The following CALD1 variants were observed in gnomAD, a reference collection of about 807,000 sequenced individuals.
CALD1 encodes the protein caldesmon.
A neutral mutation model predicts 99.9 loss-of-function variants in CALD1; 33 were observed. The ratio of observed to expected loss-of-function variants is 0.33; its 90% CI spans 0.25 to 0.44. The LOEUF is 0.44. Among genes scored for constraint, CALD1 ranks in the 20% least tolerant of loss-of-function variants. CALD1 has a pLI of 1.00. For synonymous variants in CALD1, 310 were observed against 325.0 expected, an observed-to-expected ratio of 0.95 and a Z score of 0.50; for missense variants, 861 against 962.1, an observed-to-expected ratio of 0.89 and a Z score of 1.39.
At chr7:134,738,577 T>C in the CALD1 span, among the ~76,000 whole-genome samples, 1 of 152,220 alleles carries the variant, frequency 6.6e-6, no homozygotes, top group Admixed American at 6.5e-5. Context: ...TCTAGTAGTT[T>C]TAGTGAAGAT....
intron 2 of CALD1, among the ~76,000 whole-genome samples, chr7:134,861,709 T>A (rs1052712378): frequency 1.3e-5 from 2 of 152,200 alleles, no homozygotes; most frequent in Non-Finnish European, 2.9e-5. Flanking sequence ...GTATATTGAT[T>A]GTATAAATGT....
At chr7:134,725,443 TG>T in the CALD1 span, among the ~76,000 whole-genome samples, 1 of 152,230 alleles carries the variant, frequency 6.6e-6, no homozygotes, top group South Asian at 2.1e-4. Context: ...TTTTCAAAAG[TG>T]GGTGATTTAG....
chr7:134,757,835 C>A (rs1278091778), intron 1 of CALD1, among the ~76,000 whole-genome samples: 1 of 151,866 alleles, frequency 6.6e-6, no homozygotes, highest in Non-Finnish European at 1.5e-5. Flanking sequence ...GCAGAGATCA[C>A]ACCACTGCAC....
intron 1 of CALD1, among the ~76,000 whole-genome samples, chr7:134,813,251 A>G (rs193074446): frequency 8.9e-4 from 135 of 152,170 alleles, no homozygotes; most frequent in African/African-American, 3.0e-3. Context: ...CATTTTCAGA[A>G]TTTTTTTTGA....
intron 8 of CALD1, among the ~76,000 whole-genome samples, chr7:134,949,959 G>A (rs1255782812): frequency 2.6e-5 from 4 of 151,882 alleles, no homozygotes; most frequent in South Asian, 2.1e-4. Context: ...GAAAGTTTAC[G>A]AATTTGTGTT....
chr7:134,928,895 G>A lies in CALD1; in HGVS notation c.213G>A (p.Gln71=), dbSNP rs768999691. Reference sequence around the variant, plus strand: ...CCGACCAGGTGGAGGTGAATGCCCAGAACAGGTACTGTCCTCTTTGGGACG... The same window carrying A: ...CCGACCAGGTGGAGGTGAATGCCCAAAACAGGTACTGTCCTCTTTGGGACG... ...QVTDQVEVNA[Q]NSVPDEEAKT... is the part of the protein sequence containing the mutation. Residue 71 remains glutamine (Q), a synonymous_variant, in exon 4 of 15, where the codon CAG becomes CAA. Coordinates refer to ENST00000361675, the MANE Select transcript of CALD1 (RefSeq NM_033138.4). The A allele has an allele frequency of 6.2e-7, 1 of 1,611,342 alleles. No homozygotes were observed. Among genetic ancestry groups the A allele is most frequent in the Non-Finnish European group, 8.5e-7 (1 of 1,178,704 alleles).
At chr7:134,806,531 T>C (rs1798145734) in intron 1 of CALD1, among the ~76,000 whole-genome samples, 1 of 152,246 alleles carries the variant, frequency 6.6e-6, no homozygotes. Context: ...TGTTCTTCTC[T>C]TGCTTACAAG....
chr7:134,880,347 C>T (rs1021308691), intron 3 of CALD1, among the ~76,000 whole-genome samples: 1 of 152,176 alleles, frequency 6.6e-6, no homozygotes, highest in African/African-American at 2.4e-5. Context: ...TTTATTCCCA[C>T]AGAAAACTTT....
At chr7:134,965,225 A>G in intron 13 of CALD1, 81 bp from the exon 14 acceptor site, 2 of 771,082 alleles carry the variant, frequency 2.6e-6, no homozygotes, top group Non-Finnish European at 4.8e-6. Flanking sequence ...CAAATAAACA[A>G]TAGATGTGGC....
At chr7:134,813,868 T>TGAATCAGG (rs1312362684) in intron 1 of CALD1, among the ~76,000 whole-genome samples, 1 of 152,126 alleles carries the variant, frequency 6.6e-6, no homozygotes, top group Non-Finnish European at 1.5e-5. Flanking sequence ...TTTAGAGTGA[T>TGAATCAGG]GAATCAGGGG....
chr7:134,846,193 A>C, intron 2 of CALD1, among the ~76,000 whole-genome samples: 1 of 152,174 alleles, frequency 6.6e-6, no homozygotes, highest in East Asian at 1.9e-4. Context: ...GGTCGTTTTC[A>C]GGGTCAGGTG....
At chr7:134,862,271 T>TATATATATATATATA (rs1800595853) in intron 2 of CALD1, among the ~76,000 whole-genome samples, 1 of 152,204 alleles carries the variant, frequency 6.6e-6, no homozygotes, top group South Asian at 2.1e-4. Context: ...AAATAGTGGA[T>TATATATATATATATA]TAGTCCTATT....
intron 1 of CALD1, among the ~76,000 whole-genome samples, chr7:134,811,885 AT>A (rs3837074): frequency 0.014 from 2,061 of 151,414 alleles, 31 homozygotes; most frequent in African/African-American, 0.037. Flanking sequence ...AATATGTGCT[AT>A]TTTTTTTTCC....
intron 7 of CALD1, among the ~76,000 whole-genome samples, chr7:134,941,847 C>G (rs772378127): frequency 7.9e-5 from 12 of 152,178 alleles, no homozygotes; most frequent in Non-Finnish European, 1.3e-4. Context: ...TGGAAAAACT[C>G]TCTTGTATAG....
upstream of CALD1, among the ~76,000 whole-genome samples, chr7:134,740,522 A>C (rs1796583954): frequency 6.6e-6 from 1 of 152,234 alleles, no homozygotes; most frequent in Non-Finnish European, 1.5e-5. Context: ...CAAAAGCTTC[A>C]TGTGAGCCAA....
chr7:134,874,211 GAGA>G (rs1302118189), intron 3 of CALD1, among the ~76,000 whole-genome samples: 1 of 146,276 alleles, frequency 6.8e-6, no homozygotes, highest in Non-Finnish European at 1.5e-5. Context: ...TTGTTTTTTT[GAGA>G]AGGAGTCTCA....
intron 1 of CALD1, among the ~76,000 whole-genome samples, chr7:134,805,921 C>T (rs371828367): frequency 2.0e-4 from 30 of 152,248 alleles, no homozygotes; most frequent in Non-Finnish European, 3.1e-4. Flanking sequence ...CCACCACACC[C>T]GGCCAATTTT....
intron 2 of CALD1, among the ~76,000 whole-genome samples, chr7:134,850,891 T>A (rs1486609279): frequency 6.6e-6 from 1 of 152,136 alleles, no homozygotes; most frequent in Non-Finnish European, 1.5e-5. Context: ...AGTGAATAAG[T>A]CTCACAAGAT....
chr7:134,929,646 G>GTATATATA (rs1159515485), intron 4 of CALD1, among the ~76,000 whole-genome samples: 113 of 7,590 alleles, frequency 0.015, 4 homozygotes, highest in Middle Eastern at 0.031. Flanking sequence ...GTGTGTGTGT[G>GTATATATA]TATATATATA....
Sources: gnomAD v4.1 joint callset for allele counts (sites outside exome capture counted in the v4.1 genomes callset) on GRCh38, gnomAD v4.1.1 for gene constraint, MANE v1.5 for transcripts, NCBI Gene and HGNC (gene_info 2026-07-23, HGNC 2026-07-21) for gene names.